Variants in DOK6 observed in about 807,000 individuals in gnomAD.
DOK6 encodes docking protein 6, also known as downstream of tyrosine kinase 6.
Under a neutral mutation model 44.0 loss-of-function variants are expected in DOK6, and 22 were observed. That is an observed-to-expected ratio of 0.50 (90% confidence interval 0.36 to 0.71). DOK6 has a LOEUF of 0.71. DOK6 is among the 30% of genes least tolerant of loss of function. DOK6 has a pLI of 0.00. For synonymous variants in DOK6, 166 were observed against 145.5 expected, an observed-to-expected ratio of 1.14 and a Z score of -1.01; for missense variants, 340 against 416.4, an observed-to-expected ratio of 0.82 and a Z score of 1.60.
At position 69,631,280 on chromosome 18, in the gene DOK6, T is replaced by A. The variant is rs956135959; in HGVS notation, c.289+31782T>A. Among the ~76,000 whole-genome samples, 3 of 152,288 alleles carry A rather than the reference T, an allele frequency of 2.0e-5. 1 individual carries two copies. Among genetic ancestry groups the A allele is most frequent in the Middle Eastern group, 6.8e-3 (2 of 294 alleles). On this transcript the variant is annotated intron_variant, in intron 3 of 7. Coordinates refer to ENST00000382713, the MANE Select transcript of DOK6 (RefSeq NM_152721.6). ...AACTCCATTAGGGATTTGGAGATGATGTAATTGATAATATATAAGCCCAGT... is the reference window on the plus strand; with the variant it reads ...AACTCCATTAGGGATTTGGAGATGAAGTAATTGATAATATATAAGCCCAGT...
chr18:69,678,157 G>A (rs61531208), intron 4 of DOK6, among the ~76,000 whole-genome samples: 13,064 of 152,146 alleles, frequency 0.086, 745 homozygotes, highest in African/African-American at 0.17. Flanking sequence ...GCTGGAGCAT[G>A]AGAATTGCTT....
intron 1 of DOK6, among the ~76,000 whole-genome samples, chr18:69,530,149 A>T (rs925928122): frequency 2.6e-5 from 4 of 152,204 alleles, no homozygotes; most frequent in African/African-American, 9.6e-5. Context: ...GGTGCAGTGA[A>T]CTGAACAAGA....
intron 4 of DOK6, among the ~76,000 whole-genome samples, chr18:69,684,110 G>T (rs567613820): frequency 6.6e-6 from 1 of 152,272 alleles, no homozygotes; most frequent in Non-Finnish European, 1.5e-5. Flanking sequence ...TAGCAATTTT[G>T]CCTGCCATTG....
At chr18:69,427,492 T>G (rs1201830239) in intron 1 of DOK6, among the ~76,000 whole-genome samples, 1 of 152,166 alleles carries the variant, frequency 6.6e-6, no homozygotes, top group African/African-American at 2.4e-5. Flanking sequence ...AAAGGAACGC[T>G]TATACACTGT....
intron 7 of DOK6, among the ~76,000 whole-genome samples, chr18:69,772,231 G>A (rs936768967): frequency 2.6e-5 from 4 of 151,742 alleles, no homozygotes; most frequent in Non-Finnish European, 4.4e-5. Flanking sequence ...CAAATAAGTG[G>A]AAAGACATCT....
intron 7 of DOK6, among the ~76,000 whole-genome samples, chr18:69,781,709 T>A (rs1313685756): frequency 6.6e-6 from 1 of 152,188 alleles, no homozygotes; most frequent in Admixed American, 6.5e-5. Flanking sequence ...AACATTTTCA[T>A]ATATTGAAAT....
intron 6 of DOK6, among the ~76,000 whole-genome samples, chr18:69,756,981 G>C (rs185024808): frequency 6.6e-6 from 1 of 152,196 alleles, no homozygotes; most frequent in African/African-American, 2.4e-5. Flanking sequence ...CATGCTTCTT[G>C]AAATTATTTC....
At chr18:69,752,473 GA>G (rs1979216071) in intron 6 of DOK6, among the ~76,000 whole-genome samples, 1 of 152,128 alleles carries the variant, frequency 6.6e-6, no homozygotes. Flanking sequence ...CAAAAGAGCA[GA>G]AATAAGTTAA....
chr18:69,502,206 A>T (rs143480858), intron 1 of DOK6, among the ~76,000 whole-genome samples: 18 of 152,124 alleles, frequency 1.2e-4, no homozygotes, highest in Admixed American at 3.9e-4. Context: ...CATTTATCAT[A>T]GAAGTTTGAT....
intron 6 of DOK6, among the ~76,000 whole-genome samples, chr18:69,753,150 A>G (rs1212296149): frequency 6.6e-6 from 1 of 152,230 alleles, no homozygotes; most frequent in African/African-American, 2.4e-5. Flanking sequence ...GGAAAGAGAG[A>G]TGAGGATTGG....
intron 7 of DOK6, 133 bp from the exon 8 acceptor site, chr18:69,841,111 G>A: frequency 9.0e-7 from 1 of 1,108,200 alleles, no homozygotes; most frequent in Non-Finnish European, 1.3e-6. Flanking sequence ...TCAATATTGA[G>A]GATGTGAAAG....
At chr18:69,480,617 A>C (rs1470093039) in intron 1 of DOK6, among the ~76,000 whole-genome samples, 2 of 152,194 alleles carry the variant, frequency 1.3e-5, no homozygotes, top group Non-Finnish European at 2.9e-5. Context: ...TCTATTTGTC[A>C]GTTGAACACA....
chr18:69,778,703 T>C (rs1380490856), intron 7 of DOK6, among the ~76,000 whole-genome samples: 3 of 152,124 alleles, frequency 2.0e-5, no homozygotes, highest in Non-Finnish European at 4.4e-5. Context: ...TCATATTCCA[T>C]AGTAGGAAGA....
At chr18:69,505,948 G>A (rs970107612) in intron 1 of DOK6, among the ~76,000 whole-genome samples, 2 of 151,800 alleles carry the variant, frequency 1.3e-5, no homozygotes, top group Non-Finnish European at 2.9e-5. Flanking sequence ...TTACCCATAT[G>A]CTTTTTTTTT....
intron 1 of DOK6, among the ~76,000 whole-genome samples, chr18:69,492,228 G>C (rs1980754063): frequency 6.6e-6 from 1 of 152,038 alleles, no homozygotes; most frequent in Non-Finnish European, 1.5e-5. Context: ...TGAAAACAAA[G>C]TGTCACACAA....
chr18:69,564,166 G>A (rs566599710), intron 1 of DOK6, among the ~76,000 whole-genome samples: 1 of 152,040 alleles, frequency 6.6e-6, no homozygotes, highest in African/African-American at 2.4e-5. Flanking sequence ...CACTGCACTA[G>A]CATGGAAGAT....
intron 7 of DOK6, among the ~76,000 whole-genome samples, chr18:69,775,670 A>G (rs982060276): frequency 6.6e-6 from 1 of 151,956 alleles, no homozygotes. Flanking sequence ...AAAATAAGAG[A>G]GAGAGAAAAT....
chr18:69,693,544 C>T (rs1441426718), intron 4 of DOK6, among the ~76,000 whole-genome samples: 3 of 152,062 alleles, frequency 2.0e-5, no homozygotes. Context: ...TTTTCCTGTA[C>T]GGTTCTCCAT....
chr18:69,796,304 T>G (rs968496141), intron 7 of DOK6, among the ~76,000 whole-genome samples: 3 of 152,146 alleles, frequency 2.0e-5, no homozygotes, highest in African/African-American at 7.2e-5. Flanking sequence ...TTCCACATAA[T>G]GAGAAACTGT....
Sources: gnomAD v4.1 joint callset for allele counts (sites outside exome capture counted in the v4.1 genomes callset) on GRCh38, gnomAD v4.1.1 for gene constraint, MANE v1.5 for transcripts, NCBI Gene and HGNC (gene_info 2026-07-23, HGNC 2026-07-21) for gene names.